Variants in CTTNBP2 observed in about 807,000 individuals in gnomAD.
CTTNBP2 encodes the protein cortactin-binding protein 2.
In CTTNBP2, 108 loss-of-function variants were observed where a neutral mutation model predicts 156.9. The ratio of observed to expected loss-of-function variants is 0.69; its 90% CI spans 0.59 to 0.81. CTTNBP2 has a LOEUF of 0.81. Ranked by LOEUF, CTTNBP2 falls within the 30% of genes least tolerant of loss-of-function variation. CTTNBP2 has a pLI of 0.00. For synonymous variants in CTTNBP2, 767 were observed against 751.8 expected (o/e 1.02, Z -0.33); for missense variants, 1,924 against 2,035.4 (o/e 0.95, Z 1.05).
chr7:117,722,205 C>T (rs1034468898), intron 19 of CTTNBP2, among the ~76,000 whole-genome samples: 2 of 150,726 alleles, frequency 1.3e-5, no homozygotes, highest in African/African-American at 4.9e-5. Context: ...GTCTCTTTAT[C>T]AAATTTGATA....
At chr7:117,865,988 ATAT>A (rs1323753105) in intron 1 of CTTNBP2, among the ~76,000 whole-genome samples, 1 of 148,640 alleles carries the variant, frequency 6.7e-6, no homozygotes, top group Non-Finnish European at 1.5e-5. Context: ...TATATATAGT[ATAT>A]TATGTATAAA....
At chr7:117,766,109 T>G (rs541901508) in intron 9 of CTTNBP2, among the ~76,000 whole-genome samples, 3 of 152,324 alleles carry the variant, frequency 2.0e-5, no homozygotes, top group Admixed American at 2.0e-4. Flanking sequence ...AAATTTTAGC[T>G]CAACAGAAAG....
At chr7:117,797,849 CA>C (rs1386487367) in intron 3 of CTTNBP2, among the ~76,000 whole-genome samples, 1 of 151,424 alleles carries the variant, frequency 6.6e-6, no homozygotes, top group African/African-American at 2.4e-5. Context: ...ACTGGAGTTC[CA>C]AAAAGAGAAA....
chr7:117,764,028 C>T lies in CTTNBP2; in HGVS notation c.2896+3031G>A, dbSNP rs147981015. Among the ~76,000 whole-genome samples, 7 of 152,146 alleles carry T rather than the reference C, an allele frequency of 4.6e-5. No individual in the cohort carries two copies. In the East Asian group the frequency reaches 1.4e-3, roughly 29 times the overall value. On this transcript the variant is annotated intron_variant, in intron 9 of 22. Transcript: ENST00000160373. Reference sequence around the variant, plus strand: ...CCTGTATATCATTCCTGTCTCATAGCACCCCTATGACTTGAACCATGACCC... The same window carrying T: ...CCTGTATATCATTCCTGTCTCATAGTACCCCTATGACTTGAACCATGACCC...
At chr7:117,775,558 T>G (rs1270661209) in intron 8 of CTTNBP2, among the ~76,000 whole-genome samples, 1 of 148,530 alleles carries the variant, frequency 6.7e-6, no homozygotes, top group Non-Finnish European at 1.5e-5. Flanking sequence ...ACATCCTAGA[T>G]CAAGGGTGTT....
intron 2 of CTTNBP2, among the ~76,000 whole-genome samples, chr7:117,823,466 T>G (rs541761410): frequency 1.3e-5 from 2 of 152,376 alleles, no homozygotes; most frequent in East Asian, 3.9e-4. Context: ...AGAAATATTT[T>G]TATATATTTG....
chr7:117,768,581 A>AAAAAAAAAAAAAAAGAAAG (rs1554419704), intron 8 of CTTNBP2, among the ~76,000 whole-genome samples: 3 of 99,110 alleles, frequency 3.0e-5, no homozygotes, highest in Non-Finnish European at 5.5e-5. Context: ...AAAAAAAAAA[A>AAAAAAAAAAAAAAAGAAAG]AAAGAAAGAA....
intron 17 of CTTNBP2, among the ~76,000 whole-genome samples, 185 bp downstream of exon 17, chr7:117,727,904 C>A (rs1795183660): frequency 6.6e-6 from 1 of 152,132 alleles, no homozygotes; most frequent in South Asian, 2.1e-4. Flanking sequence ...AGCAAAAATG[C>A]AGCTGCCCTA....
Position 117,791,620 on chromosome 7 carries a change from G to A in CTTNBP2, c.1576C>T (p.Arg526Trp), listed in dbSNP as rs554173075. Reference protein sequence around the residue: ...GDVGTHPPVGRTSLKTHGVAR... With the variant: ...GDVGTHPPVGWTSLKTHGVAR... ...ACACCATGAGTCTTTAAACTGGTCC[G>A]ACCAACTGGAGGGTGGGTGCCAACA... The change falls in exon 4 of 23, where the codon CGG (arginine) becomes TGG (tryptophan). Residue 526 changes from arginine (R) to tryptophan (W), a missense_variant. By Grantham distance (101) the Arg-to-Trp change is moderately radical. Transcript: ENST00000160373. 84 of 1,614,066 alleles carry A rather than the reference G, an allele frequency of 5.2e-5. No homozygotes were observed. The South Asian group carries it at 7.0e-4, about 14-fold the overall frequency.
chr7:117,834,665 G>T (rs1801820584), intron 2 of CTTNBP2, among the ~76,000 whole-genome samples: 1 of 152,144 alleles, frequency 6.6e-6, no homozygotes, highest in Admixed American at 6.5e-5. Context: ...ATTTTTAAAA[G>T]TACTCTAATA....
At chr7:117,778,640 G>A (rs1798240820) in intron 7 of CTTNBP2, among the ~76,000 whole-genome samples, 1 of 152,090 alleles carries the variant, frequency 6.6e-6, no homozygotes, top group African/African-American at 2.4e-5. Flanking sequence ...GACCCCTCCA[G>A]GAGATTCTAA....
chr7:117,717,609 C>G (rs889775590), intron 22 of CTTNBP2, among the ~76,000 whole-genome samples: 7 of 151,994 alleles, frequency 4.6e-5, no homozygotes, highest in South Asian at 2.1e-4. Flanking sequence ...TACCCACACA[C>G]TGACCACTTA....
intron 2 of CTTNBP2, among the ~76,000 whole-genome samples, chr7:117,847,197 GA>G: frequency 1.3e-5 from 2 of 152,012 alleles, no homozygotes; most frequent in Admixed American, 1.3e-4. Context: ...TCAAAGCAAT[GA>G]AAAGTAGGAC....
intron 9 of CTTNBP2, 150 bp from the exon 10 acceptor site, chr7:117,760,860 T>A (rs1797172102): frequency 1.7e-6 from 1 of 597,768 alleles, no homozygotes; most frequent in East Asian, 2.8e-5. Context: ...TGAACGTTCT[T>A]ACACTGGAGT....
chr7:117,728,326 GC>G, intron 16 of CTTNBP2, 59 bp from the exon 17 acceptor site: 1 of 1,234,184 alleles, frequency 8.1e-7, no homozygotes, highest in Non-Finnish European at 1.1e-6. Context: ...GTTTTTAGAA[GC>G]CCAAAATTAA....
chr7:117,850,604 G>C (rs1297521049), intron 2 of CTTNBP2, among the ~76,000 whole-genome samples: 1 of 152,104 alleles, frequency 6.6e-6, no homozygotes, highest in East Asian at 1.9e-4. Flanking sequence ...TAAGTAGGTG[G>C]GGACCAAACA....
intron 2 of CTTNBP2, among the ~76,000 whole-genome samples, chr7:117,854,933 T>C (rs1402298012): frequency 6.6e-6 from 1 of 152,114 alleles, no homozygotes; most frequent in Non-Finnish European, 1.5e-5. Context: ...TACAGGTGTG[T>C]GCCACTGCAC....
chr7:117,760,156 G>C (rs1446037669), intron 10 of CTTNBP2: 1 of 450,864 alleles, frequency 2.2e-6, no homozygotes, highest in East Asian at 3.7e-5. Context: ...TTAGTTTCTT[G>C]CATTTATCTA....
chr7:117,843,498 G>A (rs1448766476), intron 2 of CTTNBP2, among the ~76,000 whole-genome samples: 1 of 152,198 alleles, frequency 6.6e-6, no homozygotes, highest in Admixed American at 6.5e-5. Context: ...TTTCCAGACA[G>A]AGGAAACAAA....
Sources: gnomAD v4.1 joint callset for allele counts (sites outside exome capture counted in the v4.1 genomes callset) on GRCh38, gnomAD v4.1.1 for gene constraint, MANE v1.5 for transcripts, NCBI Gene and HGNC (gene_info 2026-07-23, HGNC 2026-07-21) for gene names.